Variants in BCAR3 observed in about 807,000 individuals in gnomAD.
BCAR3 encodes BCAR3 adaptor protein, NSP family member.
BCAR3 carries 37 observed loss-of-function variants against 80.1 expected under a neutral mutation model. That is an observed-to-expected ratio of 0.46 (90% CI 0.36 to 0.61). The LOEUF (loss-of-function observed/expected upper bound fraction) is 0.61. Ranked by LOEUF, BCAR3 falls within the 20% of genes least tolerant of loss-of-function variation. The pLI is 0.00. For missense variants in BCAR3, 978 were observed against 1,068.2 expected (o/e 0.92, Z 1.18); for synonymous variants, 389 against 418.9 (o/e 0.93, Z 0.87).
intron 5 of BCAR3, among the ~76,000 whole-genome samples, chr1:93,587,582 G>A (rs571927847): frequency 2.0e-4 from 30 of 152,150 alleles, no homozygotes; most frequent in Non-Finnish European, 3.2e-4. Context: ...AGCATGTGCC[G>A]GAGCCTCCAG....
intron 11 of BCAR3, among the ~76,000 whole-genome samples, chr1:93,565,358 G>A (rs1421253112): frequency 4.7e-5 from 7 of 149,182 alleles, no homozygotes; most frequent in Admixed American, 2.0e-4. Context: ...GAGCCACTGC[G>A]CCCGGCCCCC....
chr1:93,600,006 C>T (rs1265290008), intron 3 of BCAR3, among the ~76,000 whole-genome samples: 2 of 152,202 alleles, frequency 1.3e-5, no homozygotes, highest in South Asian at 2.1e-4. Flanking sequence ...CCTACAATAC[C>T]ACCAACCTTG....
chr1:93,688,307 G>A (rs1455808081), intron 3 of BCAR3, among the ~76,000 whole-genome samples: 1 of 152,142 alleles, frequency 6.6e-6, no homozygotes, highest in Non-Finnish European at 1.5e-5. Context: ...TCTATGCAAA[G>A]TACACCTCAA....
chr1:93,566,550 C>T (rs544869323), intron 11 of BCAR3, among the ~76,000 whole-genome samples: 25 of 152,220 alleles, frequency 1.6e-4, no homozygotes, highest in African/African-American at 5.8e-4. Context: ...AATCCGTTTA[C>T]GCAACACTGC....
intron 2 of BCAR3, among the ~76,000 whole-genome samples, chr1:93,826,791 GGGGT>G (rs1654388149): frequency 6.6e-6 from 1 of 152,056 alleles, no homozygotes; most frequent in Non-Finnish European, 1.5e-5. Flanking sequence ...GAGAGAGGTA[GGGGT>G]GTGTGTGTGT....
intron 3 of BCAR3, among the ~76,000 whole-genome samples, chr1:93,698,084 A>T (rs887400092): frequency 6.6e-6 from 1 of 152,230 alleles, no homozygotes; most frequent in Admixed American, 6.5e-5. Context: ...GCTCACAGGA[A>T]GGGCTACGGC....
intron 2 of BCAR3, among the ~76,000 whole-genome samples, chr1:93,820,097 C>A (rs1047316431): frequency 6.6e-6 from 1 of 152,198 alleles, no homozygotes; most frequent in Non-Finnish European, 1.5e-5. Flanking sequence ...AACTCACTCA[C>A]ACAAACACAG....
chr1:93,581,904 C>A (rs1464071546), intron 7 of BCAR3, among the ~76,000 whole-genome samples: 1 of 152,154 alleles, frequency 6.6e-6, no homozygotes, highest in East Asian at 1.9e-4. Flanking sequence ...TTGGCTTTAC[C>A]AATTCTGATG....
chr1:93,637,335 AG>A (rs1477128887), intron 3 of BCAR3, among the ~76,000 whole-genome samples: 1 of 151,984 alleles, frequency 6.6e-6, no homozygotes, highest in African/African-American at 2.4e-5. Context: ...TTGTATTTTT[AG>A]TAGAGTCGGG....
chr1:93,656,766 G>C (rs543572876), intron 2 of BCAR3, among the ~76,000 whole-genome samples: 43 of 152,172 alleles, frequency 2.8e-4, no homozygotes, highest in African/African-American at 9.9e-4. Flanking sequence ...ACCACACCCA[G>C]CTAATTTTTT....
At chr1:93,805,744 T>C (rs553668349) in intron 2 of BCAR3, among the ~76,000 whole-genome samples, 9 of 151,878 alleles carry the variant, frequency 5.9e-5, no homozygotes, top group Non-Finnish European at 1.3e-4. Flanking sequence ...AAGTCTGCAA[T>C]AGGAAAAAGG....
intron 2 of BCAR3, among the ~76,000 whole-genome samples, chr1:93,759,008 T>C (rs914985915): frequency 3.3e-5 from 5 of 152,198 alleles, no homozygotes; most frequent in African/African-American, 4.8e-5. Context: ...CTTAGCACCC[T>C]GTTATCCCTC....
chr1:93,809,062 AG>A (rs1463194756), intron 2 of BCAR3, among the ~76,000 whole-genome samples: 1 of 152,120 alleles, frequency 6.6e-6, no homozygotes, highest in African/African-American at 2.4e-5. Context: ...GCGGGAGGGA[AG>A]GGTAGGGTGC....
At chr1:93,628,617 C>A (rs985933745) in intron 3 of BCAR3, among the ~76,000 whole-genome samples, 5 of 152,176 alleles carry the variant, frequency 3.3e-5, no homozygotes, top group Non-Finnish European at 5.9e-5. Context: ...ACTCAAAAGT[C>A]ACCTTCTTGG....
chr1:93,653,355 C>T lies in BCAR3; in HGVS notation c.318-11012G>A, dbSNP rs539102960. Among the ~76,000 whole-genome samples the T allele has an allele frequency of 3.9e-5, 6 of 152,350 alleles. No homozygotes were observed. The South Asian group carries it at 1.2e-3, about 32-fold the overall frequency. On this transcript the variant is annotated intron_variant, in intron 2 of 11. Coordinates refer to ENST00000260502, the MANE Select transcript of BCAR3 (RefSeq NM_003567.4). ...GGATAAAGGCTCCCTTTAAGCTCCA[C>T]GCACACTAGCAATCTGTAGAGGTGG...
At chr1:93,830,531 C>T (rs1001695384) in intron 2 of BCAR3, among the ~76,000 whole-genome samples, 5 of 152,170 alleles carry the variant, frequency 3.3e-5, no homozygotes, top group African/African-American at 1.2e-4. Context: ...AGCTCCCCCA[C>T]TGAGCATCTT....
At chr1:93,730,892 C>G (rs981519655) in intron 2 of BCAR3, among the ~76,000 whole-genome samples, 5 of 152,182 alleles carry the variant, frequency 3.3e-5, no homozygotes, top group Admixed American at 1.3e-4. Flanking sequence ...CAGTAGAGAA[C>G]CCTGGCAAAC....
At chr1:93,720,532 T>C (rs986943357) in intron 2 of BCAR3, among the ~76,000 whole-genome samples, 1 of 152,178 alleles carries the variant, frequency 6.6e-6, no homozygotes, top group Non-Finnish European at 1.5e-5. Flanking sequence ...GTGCCTTACA[T>C]GGCCACTCGC....
At chr1:93,656,872 C>T (rs1418008744) in intron 2 of BCAR3, among the ~76,000 whole-genome samples, 1 of 152,130 alleles carries the variant, frequency 6.6e-6, no homozygotes, top group Non-Finnish European at 1.5e-5. Flanking sequence ...CACCCGGCCT[C>T]TAATATCTAA....
Sources: gnomAD v4.1 joint callset for allele counts (sites outside exome capture counted in the v4.1 genomes callset) on GRCh38, gnomAD v4.1.1 for gene constraint, MANE v1.5 for transcripts, NCBI Gene and HGNC (gene_info 2026-07-23, HGNC 2026-07-21) for gene names.